TAFA1: variants seen among roughly 807,000 people sequenced by gnomAD.
The protein encoded by TAFA1 is TAFA chemokine like family member 1, also known as chemokine-like protein TAFA-1.
In TAFA1, 4 loss-of-function variants were observed where a neutral mutation model predicts 18.5. The observed-to-expected ratio is 0.22, with a 90% CI of 0.11 to 0.49. The LOEUF is 0.49. Ranked by LOEUF, TAFA1 falls within the 20% of genes least tolerant of loss-of-function variation. The pLI is 0.98. For missense variants in TAFA1, 147 were observed against 169.0 expected (o/e 0.87, Z 0.72); for synonymous variants, 56 against 55.2 (o/e 1.01, Z -0.06).
At chr3:68,479,222 T>C (rs1413167884) in intron 3 of TAFA1, among the ~76,000 whole-genome samples, 4 of 96,544 alleles carry the variant, frequency 4.1e-5, no homozygotes, top group Non-Finnish European at 5.5e-5. Flanking sequence ...AAAGTGAGAC[T>C]CCATCTCAAA....
chr3:68,026,211 C>T (rs72918893), intron 2 of TAFA1, among the ~76,000 whole-genome samples: 134,657 of 151,870 alleles, frequency 0.89, 60,703 homozygotes, highest in South Asian at 0.97. Context: ...GCATGACTCT[C>T]TGGTCATGGG....
At chr3:68,430,095 T>C (rs2071139443) in intron 3 of TAFA1, among the ~76,000 whole-genome samples, 1 of 151,882 alleles carries the variant, frequency 6.6e-6, no homozygotes, top group South Asian at 2.1e-4. Context: ...CAGACCATGA[T>C]CTAATCATAC....
intron 3 of TAFA1, among the ~76,000 whole-genome samples, chr3:68,516,526 G>A (rs547489668): frequency 6.6e-6 from 1 of 152,254 alleles, no homozygotes; most frequent in African/African-American, 2.4e-5. Flanking sequence ...CAATTAATGT[G>A]CTTAGTTCTT....
At chr3:68,118,401 GCTTCCCTTGCTCA>G (rs2065348363) in intron 2 of TAFA1, among the ~76,000 whole-genome samples, 1 of 152,142 alleles carries the variant, frequency 6.6e-6, no homozygotes, top group Non-Finnish European at 1.5e-5. Context: ...TACAGATGAA[GCTTCCCTTGCTCA>G]CCTGCCGCTC....
At chr3:68,267,762 C>G (rs1417723666) in intron 2 of TAFA1, among the ~76,000 whole-genome samples, 1 of 151,982 alleles carries the variant, frequency 6.6e-6, no homozygotes, top group Non-Finnish European at 1.5e-5. Flanking sequence ...TTATATGACT[C>G]TATGCATGTT....
intron 3 of TAFA1, among the ~76,000 whole-genome samples, chr3:68,535,995 C>A (rs2073273737): frequency 6.6e-6 from 1 of 152,182 alleles, no homozygotes; most frequent in African/African-American, 2.4e-5. Context: ...TGCAAGCCAT[C>A]TCCTTAGATG....
chr3:68,250,779 T>C (rs1001657668), intron 2 of TAFA1: 1 of 148,700 alleles, frequency 6.7e-6, no homozygotes, highest in Non-Finnish European at 1.5e-5. Context: ...CATTTGTTGT[T>C]TTTTTTTTTT....
At chr3:68,094,258 T>C (rs1329591179) in intron 2 of TAFA1, among the ~76,000 whole-genome samples, 1 of 152,234 alleles carries the variant, frequency 6.6e-6, no homozygotes, top group Non-Finnish European at 1.5e-5. Context: ...TTTGTGGGTG[T>C]TGTTATTCTT....
At chr3:68,230,987 A>G (rs1022657712) in intron 2 of TAFA1, among the ~76,000 whole-genome samples, 1 of 152,204 alleles carries the variant, frequency 6.6e-6, no homozygotes, top group East Asian at 1.9e-4. Context: ...TTATCATTCA[A>G]TCATTATTTA....
At chr3:68,516,274 C>T (rs770874562) in intron 3 of TAFA1, among the ~76,000 whole-genome samples, 93 of 152,136 alleles carry the variant, frequency 6.1e-4, no homozygotes, top group Admixed American at 1.4e-3. Flanking sequence ...AATATTTTTT[C>T]CTGAGCATCC....
intron 3 of TAFA1, among the ~76,000 whole-genome samples, chr3:68,440,040 T>TC (rs76835874): frequency 1.3e-4 from 19 of 151,316 alleles, no homozygotes; most frequent in South Asian, 2.1e-4. Context: ...TTTAGCTGTG[T>TC]CCCCCCCCTC....
At chr3:68,509,321 G>A (rs116499366) in intron 3 of TAFA1, among the ~76,000 whole-genome samples, 2,142 of 152,090 alleles carry the variant, frequency 0.014, 65 homozygotes, top group African/African-American at 0.049. Flanking sequence ...CCTACCCTGC[G>A]TCAAGGTAGA....
intron 2 of TAFA1, among the ~76,000 whole-genome samples, chr3:68,366,611 C>CA (rs1402973991): frequency 6.6e-6 from 1 of 152,146 alleles, no homozygotes; most frequent in Non-Finnish European, 1.5e-5. Flanking sequence ...TACAGGCAGG[C>CA]AATATGTGGC....
intron 2 of TAFA1, among the ~76,000 whole-genome samples, chr3:68,332,367 TG>T (rs1395933135): frequency 6.6e-6 from 1 of 152,050 alleles, no homozygotes; most frequent in African/African-American, 2.4e-5. Context: ...AATAATTTTT[TG>T]GCCAAAAGCA....
At chr3:68,313,889 A>G (rs945404440) in intron 2 of TAFA1, among the ~76,000 whole-genome samples, 1 of 152,198 alleles carries the variant, frequency 6.6e-6, no homozygotes, top group Non-Finnish European at 1.5e-5. Context: ...TTTTAATTTT[A>G]TTTTAAGAAG....
intron 2 of TAFA1, among the ~76,000 whole-genome samples, chr3:68,358,963 T>A (rs1304464406): frequency 6.6e-6 from 1 of 151,960 alleles, no homozygotes; most frequent in South Asian, 2.1e-4. Context: ...AGGTATCATC[T>A]TCTGTCAAGG....
At position 68,408,215 on chromosome 3, in the gene TAFA1, T is replaced by G. The variant is rs529058271; in HGVS notation, c.119-9065T>G. Among the ~76,000 whole-genome samples, 9 of 152,338 alleles carry G rather than the reference T, an allele frequency of 5.9e-5. No homozygotes were observed. In the South Asian group the frequency reaches 1.9e-3, roughly 32 times the overall value. On this transcript the variant is annotated intron_variant, in intron 2 of 4. Transcript: ENST00000478136. ...TCTAATAATCATGTCCATCTTAACT[T>G]TCTTTAAATATGGTTTATTCATTTT...
At chr3:68,082,718 G>A (rs1343031937) in intron 2 of TAFA1, among the ~76,000 whole-genome samples, 1 of 152,118 alleles carries the variant, frequency 6.6e-6, no homozygotes, top group Non-Finnish European at 1.5e-5. Context: ...ATGTCTGCCT[G>A]TCACACTATA....
At chr3:68,483,788 C>T (rs1680255457) in intron 3 of TAFA1, among the ~76,000 whole-genome samples, 1 of 152,180 alleles carries the variant, frequency 6.6e-6, no homozygotes, top group Non-Finnish European at 1.5e-5. Flanking sequence ...GAGGATAATG[C>T]CTTTCACATG....
Sources: allele counts gnomAD v4.1 joint callset (sites outside exome capture counted in the v4.1 genomes callset), GRCh38; gene constraint gnomAD v4.1.1; transcripts MANE v1.5; gene names NCBI Gene and HGNC (gene_info 2026-07-23, HGNC 2026-07-21).